Variants in XPR1 observed in about 807,000 individuals in gnomAD.
XPR1 encodes the protein xenotropic and polytropic retrovirus receptor 1.
A neutral mutation model predicts 87.5 loss-of-function variants in XPR1; 28 were observed. The observed-to-expected ratio is 0.32, with a 90% CI of 0.24 to 0.44. XPR1 has a LOEUF of 0.44. Among genes scored for constraint, XPR1 ranks in the 20% least tolerant of loss-of-function variants. The pLI is 1.00. For missense variants in XPR1, 559 were observed against 862.3 expected, an observed-to-expected ratio of 0.65 and a Z score of 4.41; for synonymous variants, 300 against 306.1, an observed-to-expected ratio of 0.98 and a Z score of 0.21.
chr1:180,748,400 CTTTTTTTTTTTTTTTTTTTT>C (rs71297873), intron 2 of XPR1, among the ~76,000 whole-genome samples: 31 of 29,682 alleles, frequency 1.0e-3, no homozygotes, highest in East Asian at 4.8e-3. Context: ...TTATTTATGT[CTTTTTTTTTTTTTTTTTTTT>C]TTTTTTTTTT....
chr1:180,779,491 A>T (rs1333709256), intron 2 of XPR1, among the ~76,000 whole-genome samples: 1 of 152,200 alleles, frequency 6.6e-6, no homozygotes. Flanking sequence ...ATGGTGGTTC[A>T]TACCTGTAAT....
chr1:180,661,326 T>A (rs1298490087), intron 1 of XPR1, among the ~76,000 whole-genome samples: 1 of 152,180 alleles, frequency 6.6e-6, no homozygotes, highest in Middle Eastern at 3.2e-3. Flanking sequence ...TCAATCACTC[T>A]TAAACTCCAT....
intron 1 of XPR1, among the ~76,000 whole-genome samples, chr1:180,647,972 A>G (rs973735376): frequency 6.6e-6 from 1 of 150,770 alleles, no homozygotes; most frequent in Non-Finnish European, 1.5e-5. Context: ...TAGGTGTTCT[A>G]TATCTGCATT....
rs778839381 is a variant in XPR1 at position 180,825,195 on chromosome 1, C to T, written c.985C>T (p.Leu329=). 6.8e-6 allele frequency: 11 copies of T among 1,613,344 alleles called. No homozygotes were observed. The highest frequency in any genetic ancestry group is 3.3e-4 in the Middle Eastern group (2 of 6,080). ...TGGATTCCTCGGGATATTGTGGTGCCTGAGCCTTCTGGCATGCTTCTTTGC... is the reference window on the plus strand; with the variant it reads ...TGGATTCCTCGGGATATTGTGGTGCTTGAGCCTTCTGGCATGCTTCTTTGC... The part of the protein sequence containing the change: ...IAGFLGILWC[L]SLLACFFAPI... The change falls in exon 9 of 15, where the codon CTG becomes TTG. Residue 329 remains leucine, a synonymous_variant. Coordinates refer to ENST00000367590, the MANE Select transcript of XPR1 (RefSeq NM_004736.4).
chr1:180,683,553 A>C (rs1321166952), intron 2 of XPR1, among the ~76,000 whole-genome samples: 1 of 152,144 alleles, frequency 6.6e-6, no homozygotes, highest in Non-Finnish European at 1.5e-5. Context: ...CGACTTCCAC[A>C]ATGGTTGAAC....
intron 11 of XPR1, among the ~76,000 whole-genome samples, chr1:180,847,308 C>T (rs1248731275): frequency 1.3e-5 from 2 of 152,122 alleles, no homozygotes; most frequent in Admixed American, 6.6e-5. Context: ...CTTTCTATTG[C>T]AGAAAGTAGT....
intron 3 of XPR1, among the ~76,000 whole-genome samples, chr1:180,798,331 A>T (rs533033718): frequency 6.6e-6 from 1 of 152,286 alleles, no homozygotes; most frequent in African/African-American, 2.4e-5. Context: ...CAAACTGTAG[A>T]TTTAGGTAGA....
intron 11 of XPR1, among the ~76,000 whole-genome samples, chr1:180,849,398 A>G (rs932962699): frequency 2.6e-5 from 4 of 152,154 alleles, no homozygotes; most frequent in Non-Finnish European, 4.4e-5. Context: ...GTGATCCTCA[A>G]ATTTTGGTGT....
chr1:180,767,976 C>G (rs1238466140), intron 2 of XPR1, among the ~76,000 whole-genome samples: 1 of 152,070 alleles, frequency 6.6e-6, no homozygotes, highest in African/African-American at 2.4e-5. Context: ...TCCCGAGTAG[C>G]TGGGACTACA....
At chr1:180,878,910 C>T (rs1571253894) in intron 13 of XPR1, among the ~76,000 whole-genome samples, 1 of 152,166 alleles carries the variant, frequency 6.6e-6, no homozygotes, top group Non-Finnish European at 1.5e-5. Flanking sequence ...CTCTTGTCTC[C>T]TCTAGTTGTA....
intron 2 of XPR1, among the ~76,000 whole-genome samples, chr1:180,729,165 A>T (rs1327170031): frequency 2.0e-5 from 3 of 152,224 alleles, no homozygotes; most frequent in Non-Finnish European, 4.4e-5. Flanking sequence ...TGCAAAGGAC[A>T]TGATCTCATT....
rs377423681 is a variant in XPR1 at position 180,685,677 on chromosome 1, C to G, written c.121+3266C>G. ...CTCAATTTCAGAGCCTGTTATTGGT[C>G]TATTCAGAGATTCAACTTCTTCATG... is the stretch of plus-strand genomic sequence containing the variant. On this transcript the variant is annotated intron_variant, in intron 2 of 14. Transcript: ENST00000367590. Among the ~76,000 whole-genome samples the G allele has an allele frequency of 5.3e-4, 80 of 152,246 alleles. 2 individuals are homozygous for G. In the East Asian group the frequency reaches 0.014, roughly 27 times the overall value.
At chr1:180,833,972 A>G (rs1399929987) in intron 9 of XPR1, among the ~76,000 whole-genome samples, 2 of 152,332 alleles carry the variant, frequency 1.3e-5, no homozygotes, top group Admixed American at 6.5e-5. Context: ...AATACCATAT[A>G]ATTACACCTC....
intron 2 of XPR1, among the ~76,000 whole-genome samples, chr1:180,724,419 A>G (rs750052194): frequency 1.4e-4 from 21 of 152,212 alleles, no homozygotes; most frequent in Non-Finnish European, 2.9e-4. Context: ...CCTGAATTAT[A>G]TTTGTCTTCA....
chr1:180,841,867 C>A lies in XPR1; in HGVS notation c.1501+5151C>A, dbSNP rs377700205. ...AATTTTTAACCAAAAAGCTTAAAATCGAGGGAAAAAGATTGAAAAGACAAC... is the reference window on the plus strand; with the variant it reads ...AATTTTTAACCAAAAAGCTTAAAATAGAGGGAAAAAGATTGAAAAGACAAC... On this transcript the variant is annotated intron_variant, in intron 11 of 14. Transcript: ENST00000367590. 2.6e-4 allele frequency among the ~76,000 whole-genome samples: 39 copies of A among 151,556 alleles called. 1 individual carries two copies. The South Asian group carries it at 8.1e-3, about 32-fold the overall frequency.
intron 2 of XPR1, among the ~76,000 whole-genome samples, chr1:180,709,889 T>C (rs1016707186): frequency 2.1e-5 from 1 of 47,862 alleles, no homozygotes; most frequent in African/African-American, 9.3e-5. Context: ...GTTTTGAGGG[T>C]TTTTTTTTTT....
intron 1 of XPR1, among the ~76,000 whole-genome samples, chr1:180,663,630 A>G (rs1655853564): frequency 6.6e-6 from 1 of 152,184 alleles, no homozygotes; most frequent in Admixed American, 6.5e-5. Flanking sequence ...AAGGACTGCT[A>G]TAACCACCAC....
At chr1:180,654,211 G>A (rs111308401) in intron 1 of XPR1, among the ~76,000 whole-genome samples, 224 of 151,896 alleles carry the variant, frequency 1.5e-3, no homozygotes, top group African/African-American at 5.2e-3. Flanking sequence ...CTCAGCTCTC[G>A]TGTGGTCAGC....
rs1392908779 is a variant in XPR1 at position 180,799,682 on chromosome 1, G to A, written c.224-3706G>A. 2.6e-5 allele frequency among the ~76,000 whole-genome samples: 4 copies of A among 152,118 alleles called. No individual in the cohort carries two copies. The South Asian group carries it at 6.2e-4, about 24-fold the overall frequency. On this transcript the variant is annotated intron_variant, in intron 3 of 14. Coordinates refer to ENST00000367590, the MANE Select transcript of XPR1 (RefSeq NM_004736.4). ...AATCTCTGCCCACTGCCTAATAGAA[G>A]GCATCCAACACAATCAACCTGCCAG...
Sources: allele counts gnomAD v4.1 joint callset (sites outside exome capture counted in the v4.1 genomes callset), GRCh38; gene constraint gnomAD v4.1.1; transcripts MANE v1.5; gene names NCBI Gene and HGNC (gene_info 2026-07-23, HGNC 2026-07-21).